GRID2: variants seen among roughly 807,000 people sequenced by gnomAD.
GRID2 encodes glutamate ionotropic receptor delta type subunit 2, also known as glutamate receptor ionotropic, delta-2.
Under a neutral mutation model 114.8 loss-of-function variants are expected in GRID2, and 33 were observed. The ratio of observed to expected loss-of-function variants is 0.29; its 90% CI spans 0.22 to 0.38. GRID2 has a LOEUF of 0.38. Among genes scored for constraint, GRID2 ranks in the 10% least tolerant of loss-of-function variants. The pLI, the probability that GRID2 is intolerant of heterozygous loss-of-function variation, is 1.00. For missense variants in GRID2, 1,184 were observed against 1,257.7 expected (o/e 0.94, Z 0.89); for synonymous variants, 505 against 449.9 (o/e 1.12, Z -1.55).
At chr4:92,922,801 C>T (rs13110763) in intron 2 of GRID2, among the ~76,000 whole-genome samples, 46,778 of 151,948 alleles carry the variant, frequency 0.31, 7,797 homozygotes, top group Admixed American at 0.46. Context: ...AGAAACAAAG[C>T]GATGCTTATT....
rs1204982969 is a variant in GRID2, at chr4:93,252,483, G to C, written c.1245+13993G>C. 2.6e-5 allele frequency among the ~76,000 whole-genome samples: 4 copies of C among 152,136 alleles called. No individual in the cohort carries two copies. In the East Asian group the frequency reaches 5.8e-4, roughly 22 times the overall value. On this transcript the variant is annotated intron_variant, in intron 8 of 15. Transcript: ENST00000282020. ...TTTATTACTGTAGTCCTGTTGTATA[G>C]TTCAAAGTCAGGTAACATGATGCCC...
chr4:93,523,805 G>A (rs1341013959), intron 13 of GRID2, among the ~76,000 whole-genome samples: 1 of 152,124 alleles, frequency 6.6e-6, no homozygotes, highest in Non-Finnish European at 1.5e-5. Flanking sequence ...GGGAAAGATA[G>A]CAGCTGATGC....
At chr4:93,466,308 C>G (rs1724265265) in intron 11 of GRID2, among the ~76,000 whole-genome samples, 1 of 151,980 alleles carries the variant, frequency 6.6e-6, no homozygotes, top group Admixed American at 6.6e-5. Flanking sequence ...GCAGGCAAGC[C>G]CCGAAGTGGA....
chr4:92,606,645 A>G (rs942059047), intron 2 of GRID2, among the ~76,000 whole-genome samples: 3 of 151,868 alleles, frequency 2.0e-5, no homozygotes, highest in Non-Finnish European at 4.4e-5. Flanking sequence ...CCTCACTGCT[A>G]CTAGCTCTGG....
chr4:92,411,649 GTGTGTGTATATATA>G lies in GRID2; in HGVS notation c.88+106907_88+106920del, dbSNP rs775047358. ...CATGTGTGTGTGTGTGTGTGTGTGT[GTGTGTGTATATATA>G]TATATATATATATATGAAATATACC... On this transcript the variant is annotated intron_variant, in intron 1 of 15. Transcript: ENST00000282020. Among the ~76,000 whole-genome samples the G allele has an allele frequency of 4.6e-4, 44 of 94,910 alleles. 2 individuals are homozygous for G. The highest frequency in any genetic ancestry group is 6.5e-4 in the Non-Finnish European group (31 of 47,644). The allele number at this position is 94,910 out of a possible 152,430, so 62.3% of individuals were successfully genotyped here.
At chr4:92,544,194 C>T (rs761587074) in intron 1 of GRID2, among the ~76,000 whole-genome samples, 1 of 152,116 alleles carries the variant, frequency 6.6e-6, no homozygotes, top group Non-Finnish European at 1.5e-5. Flanking sequence ...AGACCCCTGA[C>T]TGTTTGCTTA....
intron 1 of GRID2, among the ~76,000 whole-genome samples, chr4:93,806,084 A>C (rs1163241604): frequency 6.6e-6 from 1 of 152,216 alleles, no homozygotes; most frequent in Non-Finnish European, 1.5e-5. Context: ...GCAAGAAAGC[A>C]AGACTCCAGA....
intron 2 of GRID2, among the ~76,000 whole-genome samples, chr4:92,866,456 C>T (rs1456146655): frequency 6.6e-6 from 1 of 152,054 alleles, no homozygotes; most frequent in Non-Finnish European, 1.5e-5. Context: ...AATAAGTGTC[C>T]AATTGGTGTC....
chr4:93,547,997 C>T (rs1487368738), intron 13 of GRID2, among the ~76,000 whole-genome samples: 1 of 151,896 alleles, frequency 6.6e-6, no homozygotes, highest in Non-Finnish European at 1.5e-5. Flanking sequence ...ACCAAGATGG[C>T]GAAACCTGGT....
intron 6 of GRID2, among the ~76,000 whole-genome samples, chr4:93,220,190 G>A (rs115389020): frequency 1.1e-3 from 161 of 152,066 alleles, no homozygotes; most frequent in African/African-American, 3.8e-3. Flanking sequence ...CCTCAGATAA[G>A]ACAACAGGGC....
intron 2 of GRID2, among the ~76,000 whole-genome samples, chr4:92,712,889 T>G (rs1735323499): frequency 6.6e-6 from 1 of 152,194 alleles, no homozygotes. Flanking sequence ...AGCTACTGTA[T>G]GTAACTCAGG....
downstream of GRID2, among the ~76,000 whole-genome samples, chr4:93,779,461 G>A (rs1310702702): frequency 6.6e-6 from 1 of 152,020 alleles, no homozygotes; most frequent in East Asian, 1.9e-4. Flanking sequence ...CGGGGAGAGG[G>A]GATGACTAGG....
At chr4:92,694,655 C>T (rs1734342738) in intron 2 of GRID2, among the ~76,000 whole-genome samples, 1 of 152,142 alleles carries the variant, frequency 6.6e-6, no homozygotes, top group South Asian at 2.1e-4. Flanking sequence ...GACTTTTTCT[C>T]ATAAATGTAA....
At chr4:92,669,704 G>A (rs1449985712) in intron 2 of GRID2, among the ~76,000 whole-genome samples, 1 of 151,856 alleles carries the variant, frequency 6.6e-6, no homozygotes, top group Non-Finnish European at 1.5e-5. Flanking sequence ...CTTGAATAAA[G>A]GCAGCTATCA....
At chr4:92,959,785 A>G (rs547186337) in intron 2 of GRID2, among the ~76,000 whole-genome samples, 2 of 152,090 alleles carry the variant, frequency 1.3e-5, no homozygotes, top group African/African-American at 2.4e-5. Context: ...GTTCTCATTC[A>G]TAAGTGGGAG....
chr4:92,942,576 G>T (rs889400669), intron 2 of GRID2, among the ~76,000 whole-genome samples: 2 of 152,054 alleles, frequency 1.3e-5, no homozygotes, highest in African/African-American at 2.4e-5. Flanking sequence ...TACATTTAAG[G>T]TTCCTATTGT....
intron 13 of GRID2, among the ~76,000 whole-genome samples, chr4:93,623,530 G>T (rs2149685889): frequency 6.6e-6 from 1 of 152,244 alleles, no homozygotes; most frequent in Admixed American, 6.5e-5. Flanking sequence ...AAAGACACAT[G>T]CACCTGTATG....
At chr4:93,309,047 T>C (rs1220970185) in intron 8 of GRID2, among the ~76,000 whole-genome samples, 1 of 152,194 alleles carries the variant, frequency 6.6e-6, no homozygotes, top group Non-Finnish European at 1.5e-5. Flanking sequence ...TTTCTTTTAC[T>C]TTTACATACT....
At chr4:92,982,844 T>G (rs1754299744) in intron 2 of GRID2, among the ~76,000 whole-genome samples, 2 of 152,244 alleles carry the variant, frequency 1.3e-5, no homozygotes, top group African/African-American at 4.8e-5. Flanking sequence ...TTCTACTTTT[T>G]TAATTTAACA....
Sources: gnomAD v4.1 joint callset for allele counts (sites outside exome capture counted in the v4.1 genomes callset) on GRCh38, gnomAD v4.1.1 for gene constraint, MANE v1.5 for transcripts, NCBI Gene and HGNC (gene_info 2026-07-23, HGNC 2026-07-21) for gene names.